The following ITPR2 variants were observed in gnomAD, a reference collection of about 807,000 sequenced individuals.
ITPR2 encodes inositol 1,4,5-trisphosphate-gated calcium channel ITPR2.
ITPR2 carries 207 observed loss-of-function variants against 317.1 expected under a neutral mutation model. The observed-to-expected ratio is 0.65, with a 90% CI of 0.58 to 0.73. ITPR2 has a LOEUF of 0.73. ITPR2 is among the 30% of genes least tolerant of loss of function. The pLI is 0.00. For missense variants in ITPR2, 2,613 were observed against 3,284.0 expected, an observed-to-expected ratio of 0.80 and a Z score of 4.99; for synonymous variants, 1,156 against 1,149.1, an observed-to-expected ratio of 1.01 and a Z score of -0.12.
intron 20 of ITPR2, among the ~76,000 whole-genome samples, chr12:26,655,293 C>T (rs1947344991): frequency 6.6e-6 from 1 of 152,016 alleles, no homozygotes; most frequent in Non-Finnish European, 1.5e-5. Context: ...TTGTACTGGA[C>T]ATCAAAGCAC....
intron 32 of ITPR2, among the ~76,000 whole-genome samples, chr12:26,586,213 C>T (rs1304848481): frequency 1.3e-5 from 2 of 151,860 alleles, no homozygotes; most frequent in Non-Finnish European, 2.9e-5. Context: ...GGCATGATCT[C>T]GGCTCACTAC....
At chr12:26,811,794 C>G (rs551858359) in intron 1 of ITPR2, among the ~76,000 whole-genome samples, 1 of 145,672 alleles carries the variant, frequency 6.9e-6, no homozygotes, top group South Asian at 2.2e-4. Context: ...GCGGAGCTTG[C>G]AGTGAGCCGA....
Position 26,675,025 on chromosome 12 carries a change from A to T in ITPR2, c.1409+6849T>A, listed in dbSNP as rs1351043726. On this transcript the variant is annotated intron_variant, in intron 13 of 56. Coordinates refer to ENST00000381340, the MANE Select transcript of ITPR2 (RefSeq NM_002223.4). Reference sequence around the variant, plus strand: ...TCATCTCACACCAGTTAGAATGGCAATCATTAAAAAGTCAAGAAACAACAG... The same window carrying T: ...TCATCTCACACCAGTTAGAATGGCATTCATTAAAAAGTCAAGAAACAACAG... Among the ~76,000 whole-genome samples, 9 of 152,324 alleles carry T rather than the reference A, an allele frequency of 5.9e-5. No individual in the cohort carries two copies. In the South Asian group the frequency reaches 1.5e-3, roughly 25 times the overall value.
chr12:26,659,345 A>G (rs1474329836), intron 15 of ITPR2, 60 bp from the exon 16 acceptor site: 10 of 1,393,574 alleles, frequency 7.2e-6, no homozygotes, highest in South Asian at 2.5e-5. Context: ...AACAGGTTCT[A>G]TTAGGGTCAA....
At chr12:26,391,325 T>G (rs2136635357) in intron 54 of ITPR2, among the ~76,000 whole-genome samples, 1 of 152,266 alleles carries the variant, frequency 6.6e-6, no homozygotes, top group East Asian at 1.9e-4. Flanking sequence ...TATTTCTGAC[T>G]CTAAAGCCCA....
intron 55 of ITPR2, among the ~76,000 whole-genome samples, chr12:26,361,233 A>G (rs556302090): frequency 7.2e-5 from 11 of 151,982 alleles, no homozygotes; most frequent in African/African-American, 2.7e-4. Flanking sequence ...AATGTTACCA[A>G]TAGCTTCATG....
chr12:26,761,770 C>T (rs1328174748), intron 2 of ITPR2, among the ~76,000 whole-genome samples: 1 of 152,186 alleles, frequency 6.6e-6, no homozygotes, highest in African/African-American at 2.4e-5. Context: ...ACACTTCAGC[C>T]TGGGCGACAG....
At chr12:26,565,857 G>GAA (rs1944948727) in intron 34 of ITPR2, among the ~76,000 whole-genome samples, 1 of 98,074 alleles carries the variant, frequency 1.0e-5, no homozygotes. Context: ...GAGAGGAGAG[G>GAA]AGAGGGGAGG....
intron 1 of ITPR2, among the ~76,000 whole-genome samples, chr12:26,810,745 T>C (rs1054079991): frequency 2.6e-5 from 4 of 152,350 alleles, no homozygotes; most frequent in African/African-American, 9.6e-5. Flanking sequence ...CACATAACTG[T>C]GTTTAGTATT....
intron 46 of ITPR2, 135 bp downstream of exon 46, chr12:26,443,408 T>G: frequency 1.7e-6 from 1 of 579,382 alleles, no homozygotes; most frequent in South Asian, 2.9e-5. Flanking sequence ...CACTCATCCT[T>G]TTACTATACA....
At chr12:26,602,882 C>G (rs1237974803) in intron 26 of ITPR2, among the ~76,000 whole-genome samples, 176 bp from the exon 27 acceptor site, 1 of 151,970 alleles carries the variant, frequency 6.6e-6, no homozygotes, top group African/African-American at 2.4e-5. Context: ...CTTGACTGAG[C>G]CATGCAAATT....
At chr12:26,531,237 C>T (rs545860182) in intron 37 of ITPR2, among the ~76,000 whole-genome samples, 5 of 152,266 alleles carry the variant, frequency 3.3e-5, no homozygotes, top group South Asian at 4.1e-4. Context: ...AGTACAAACA[C>T]GCATAACACA....
intron 26 of ITPR2, among the ~76,000 whole-genome samples, chr12:26,620,847 TC>T (rs1158896399): frequency 2.6e-5 from 4 of 152,184 alleles, no homozygotes; most frequent in Non-Finnish European, 4.4e-5. Flanking sequence ...TTCCACTCCT[TC>T]CTATTTTCTT....
chr12:26,645,342 CT>C (rs1947090595), intron 21 of ITPR2, among the ~76,000 whole-genome samples: 1 of 152,212 alleles, frequency 6.6e-6, no homozygotes, highest in South Asian at 2.1e-4. Flanking sequence ...AAACCTACCA[CT>C]GTGGATGGGA....
chr12:26,596,259 A>G (rs1450568048), intron 31 of ITPR2, among the ~76,000 whole-genome samples: 1 of 152,244 alleles, frequency 6.6e-6, no homozygotes, highest in Non-Finnish European at 1.5e-5. Flanking sequence ...TAAAGTTTCA[A>G]GTAAACCTTT....
intron 55 of ITPR2, among the ~76,000 whole-genome samples, chr12:26,384,107 T>G (rs1939597771): frequency 6.6e-6 from 1 of 152,196 alleles, no homozygotes; most frequent in Non-Finnish European, 1.5e-5. Flanking sequence ...CTACCAAAGT[T>G]TGAAGAGTAG....
chr12:26,404,407 AG>A (rs558899216), intron 52 of ITPR2, among the ~76,000 whole-genome samples: 236 of 152,358 alleles, frequency 1.5e-3, no homozygotes, highest in Non-Finnish European at 2.7e-3. Context: ...CATTTTTAAA[AG>A]TCAGAGAGGA....
chr12:26,489,802 A>G (rs2136859384), intron 39 of ITPR2, among the ~76,000 whole-genome samples: 1 of 152,380 alleles, frequency 6.6e-6, no homozygotes, highest in African/African-American at 2.4e-5. Context: ...TCTCAGTATG[A>G]CAGAAGCAGG....
At chr12:26,721,853 G>A (rs976139099) in intron 5 of ITPR2, among the ~76,000 whole-genome samples, 3 of 152,048 alleles carry the variant, frequency 2.0e-5, no homozygotes, top group African/African-American at 7.2e-5. Context: ...GGGCTCAAGT[G>A]ATTCTCCTGC....
Sources: allele counts gnomAD v4.1 joint callset (sites outside exome capture counted in the v4.1 genomes callset), GRCh38; gene constraint gnomAD v4.1.1; transcripts MANE v1.5; gene names NCBI Gene and HGNC (gene_info 2026-07-23, HGNC 2026-07-21).